Variants in DNAJC15 observed in about 807,000 individuals in gnomAD.
DNAJC15 encodes the protein DnaJ heat shock protein family (Hsp40) member C15.
DNAJC15 carries 27 observed loss-of-function variants against 22.4 expected under a neutral mutation model. That is an observed-to-expected ratio of 1.20 (90% CI 0.89 to 1.66). The LOEUF is 1.66. Among genes scored for constraint, DNAJC15 ranks in the 40% most tolerant of loss-of-function variants. The probability of loss-of-function intolerance (pLI) is 0.00; values close to 1 mark genes in which losing one functional copy is unlikely to be tolerated. For synonymous variants in DNAJC15, 79 were observed against 63.2 expected (o/e 1.25, Z -1.19); for missense variants, 208 against 187.1 (o/e 1.11, Z -0.65).
At chr13:43,106,277 G>A (rs1260308044) in intron 5 of DNAJC15, among the ~76,000 whole-genome samples, 4 of 152,174 alleles carry the variant, frequency 2.6e-5, no homozygotes, top group African/African-American at 9.6e-5. Context: ...CTGGTGAGCT[G>A]TAATATGATT....
At chr13:43,035,734 C>T (rs1269880894) in intron 1 of DNAJC15, among the ~76,000 whole-genome samples, 1 of 151,808 alleles carries the variant, frequency 6.6e-6, no homozygotes, top group Admixed American at 6.6e-5. Flanking sequence ...TATTTTATTT[C>T]TTTTGAGACA....
intron 3 of DNAJC15, among the ~76,000 whole-genome samples, chr13:43,076,479 G>A (rs2040634482): frequency 1.3e-5 from 2 of 152,032 alleles, no homozygotes; most frequent in Admixed American, 1.3e-4. Context: ...AATAGCCTGT[G>A]CTCATTGTTG....
intron 5 of DNAJC15, among the ~76,000 whole-genome samples, chr13:43,101,275 G>A (rs1231848738): frequency 6.6e-6 from 1 of 152,144 alleles, no homozygotes; most frequent in South Asian, 2.1e-4. Context: ...TGATCCTCCT[G>A]CCCCAGCCTC....
rs550619041 is a variant in DNAJC15 at position 43,071,581 on chromosome 13, T to C, written c.234+2578T>C. 2.6e-5 allele frequency among the ~76,000 whole-genome samples: 4 copies of C among 152,346 alleles called. No individual in the cohort carries two copies. The South Asian group carries it at 6.2e-4, about 24-fold the overall frequency. On this transcript the variant is annotated intron_variant, in intron 3 of 5. Coordinates refer to ENST00000379221, the MANE Select transcript of DNAJC15 (RefSeq NM_013238.3). Reference sequence around the variant, plus strand: ...TGAGAAATGAAATATGTGCATACTTTCTGTTGGTACTAATGAATCCCAGTG... The same window carrying C: ...TGAGAAATGAAATATGTGCATACTTCCTGTTGGTACTAATGAATCCCAGTG...
chr13:43,066,974 C>T (rs900645343), intron 2 of DNAJC15, among the ~76,000 whole-genome samples: 26 of 152,298 alleles, frequency 1.7e-4, no homozygotes, highest in African/African-American at 6.3e-4. Context: ...CTGTCATTAA[C>T]TTACAGCAGT....
chr13:43,066,248 TC>T (rs765722096), intron 2 of DNAJC15, among the ~76,000 whole-genome samples: 15 of 140,256 alleles, frequency 1.1e-4, no homozygotes, highest in Non-Finnish European at 2.1e-4. Flanking sequence ...AAAGAATAGT[TC>T]TTTTTTTTTT....
chr13:43,093,431 G>A (rs553415803), intron 5 of DNAJC15, among the ~76,000 whole-genome samples: 1 of 152,132 alleles, frequency 6.6e-6, no homozygotes, highest in East Asian at 1.9e-4. Context: ...TTTTCATTGA[G>A]ACAGGGTCTT....
chr13:43,023,618 C>T lies in DNAJC15; in HGVS notation c.-9C>T, dbSNP rs545778183. 3 of 1,606,364 alleles carry T rather than the reference C, an allele frequency of 1.9e-6. No homozygotes were observed. In the South Asian group the frequency reaches 3.3e-5, roughly 18 times the overall value. ...GCCGCGGCGCCTTGAGTCTCCGGGC[C>T]GCCTTGCCATGGCTGCCCGTGGTGT... On this transcript the variant is annotated 5_prime_UTR_variant, in exon 1 of 6. Coordinates refer to ENST00000379221, the MANE Select transcript of DNAJC15 (RefSeq NM_013238.3).
intron 5 of DNAJC15, among the ~76,000 whole-genome samples, chr13:43,100,734 C>T (rs150185258): frequency 6.6e-5 from 10 of 152,226 alleles, no homozygotes; most frequent in African/African-American, 1.2e-4. Flanking sequence ...AGAAAAATTG[C>T]GTATTCCATT....
chr13:43,071,022 A>G (rs1393717109), intron 3 of DNAJC15, among the ~76,000 whole-genome samples: 1 of 152,200 alleles, frequency 6.6e-6, no homozygotes, highest in Non-Finnish European at 1.5e-5. Context: ...CCATATGTTT[A>G]TAAATAATAA....
chr13:43,050,474 T>TAG (rs1252026630), intron 1 of DNAJC15, among the ~76,000 whole-genome samples: 12 of 152,126 alleles, frequency 7.9e-5, no homozygotes, highest in Non-Finnish European at 1.0e-4. Flanking sequence ...TTTTCTTTAG[T>TAG]AGAGACAGGG....
chr13:43,103,031 A>G (rs541865488), intron 5 of DNAJC15, among the ~76,000 whole-genome samples: 4 of 152,160 alleles, frequency 2.6e-5, no homozygotes, highest in African/African-American at 9.6e-5. Context: ...CTTGGAATTT[A>G]TCTTTTACAT....
chr13:43,024,704 T>C (rs1168158214), intron 1 of DNAJC15, among the ~76,000 whole-genome samples: 2 of 151,902 alleles, frequency 1.3e-5, no homozygotes, highest in Non-Finnish European at 2.9e-5. Flanking sequence ...GGTTTGATTT[T>C]AACCATGTAT....
intron 5 of DNAJC15, among the ~76,000 whole-genome samples, chr13:43,090,097 G>A (rs1021443160): frequency 3.3e-5 from 5 of 152,192 alleles, no homozygotes; most frequent in Admixed American, 1.3e-4. Flanking sequence ...GAGTTTATTT[G>A]AGCAATGAAT....
At chr13:43,073,332 A>G (rs943243053) in intron 3 of DNAJC15, among the ~76,000 whole-genome samples, 6 of 152,162 alleles carry the variant, frequency 3.9e-5, no homozygotes, top group African/African-American at 1.2e-4. Flanking sequence ...CACCGTGTAT[A>G]TTTTACTCCT....
chr13:43,096,634 T>C (rs1385656076), intron 5 of DNAJC15, among the ~76,000 whole-genome samples: 1 of 152,228 alleles, frequency 6.6e-6, no homozygotes, highest in African/African-American at 2.4e-5. Flanking sequence ...AGGAATCTTA[T>C]ATTCCACTGT....
intron 3 of DNAJC15, among the ~76,000 whole-genome samples, chr13:43,076,787 C>T (rs985734020): frequency 3.9e-5 from 6 of 152,124 alleles, no homozygotes; most frequent in African/African-American, 9.7e-5. Context: ...TCTAATCATA[C>T]GCTCACCTCA....
intron 1 of DNAJC15, among the ~76,000 whole-genome samples, chr13:43,048,575 T>C (rs1396655296): frequency 3.3e-5 from 5 of 152,238 alleles, no homozygotes; most frequent in Non-Finnish European, 7.3e-5. Flanking sequence ...TCATCTTTTT[T>C]TCCCCCATGG....
chr13:43,027,539 C>T (rs552293353), intron 1 of DNAJC15, among the ~76,000 whole-genome samples: 32 of 152,170 alleles, frequency 2.1e-4, no homozygotes, highest in African/African-American at 7.7e-4. Context: ...TATTCATTTC[C>T]AAAAATAAGA....
Sources: allele counts gnomAD v4.1 joint callset (sites outside exome capture counted in the v4.1 genomes callset), GRCh38; gene constraint gnomAD v4.1.1; transcripts MANE v1.5; gene names NCBI Gene and HGNC (gene_info 2026-07-23, HGNC 2026-07-21).